TEC: variants seen among roughly 807,000 people sequenced by gnomAD.
TEC encodes the protein tyrosine-protein kinase Tec.
A neutral mutation model predicts 93.0 loss-of-function variants in TEC; 72 were observed. That is an observed-to-expected ratio of 0.77 (90% CI 0.64 to 0.94). The LOEUF is 0.94. Among genes scored for constraint, TEC ranks in the 40% least tolerant of loss-of-function variants. The pLI is 0.00. For missense variants in TEC, 630 were observed against 757.9 expected (o/e 0.83, Z 1.98); for synonymous variants, 249 against 247.7 (o/e 1.01, Z -0.05).
At chr4:48,153,805 C>T (rs1577704159) in intron 9 of TEC, among the ~76,000 whole-genome samples, 1 of 152,170 alleles carries the variant, frequency 6.6e-6, no homozygotes, top group East Asian at 1.9e-4. Flanking sequence ...ACCCACCCAG[C>T]CCTGCAGCAA....
intron 2 of TEC, among the ~76,000 whole-genome samples, chr4:48,182,535 C>CTGTGTGTG (rs60434609): frequency 0.14 from 21,335 of 147,160 alleles, 1,690 homozygotes; most frequent in Middle Eastern, 0.18. Flanking sequence ...GGGCAATACT[C>CTGTGTGTG]TGTGTGTGTG....
chr4:48,243,115 A>G (rs1211875138), intron 1 of TEC, among the ~76,000 whole-genome samples: 1 of 152,114 alleles, frequency 6.6e-6, no homozygotes, highest in East Asian at 1.9e-4. Context: ...CCAATTTTTA[A>G]TCTATTTCCT....
intron 11 of TEC, among the ~76,000 whole-genome samples, chr4:48,147,384 G>A (rs1719961297): frequency 6.6e-6 from 1 of 152,150 alleles, no homozygotes; most frequent in South Asian, 2.1e-4. Flanking sequence ...TCCATCAACT[G>A]ATGAATAATA....
chr4:48,208,650 C>T (rs1174673554), intron 2 of TEC, among the ~76,000 whole-genome samples: 3 of 152,234 alleles, frequency 2.0e-5, no homozygotes, highest in East Asian at 3.9e-4. Context: ...CTATTCCCTA[C>T]CTACAGAAAC....
At chr4:48,206,457 A>G (rs1050527842) in intron 2 of TEC, among the ~76,000 whole-genome samples, 25 of 152,206 alleles carry the variant, frequency 1.6e-4, no homozygotes, top group Admixed American at 6.5e-5. Flanking sequence ...TTTTAAAAAC[A>G]AATAAGAAAA....
intron 11 of TEC, 50 bp downstream of exon 11, chr4:48,149,507 C>T: frequency 6.7e-7 from 1 of 1,489,742 alleles, no homozygotes; most frequent in Non-Finnish European, 8.9e-7. Flanking sequence ...AGTATCTGAT[C>T]ATTTTAATCA....
chr4:48,227,063 C>T (rs1473688568), intron 2 of TEC, among the ~76,000 whole-genome samples: 2 of 152,166 alleles, frequency 1.3e-5, no homozygotes, highest in African/African-American at 4.8e-5. Context: ...CAGATACACA[C>T]ACATACACAC....
intron 2 of TEC, among the ~76,000 whole-genome samples, chr4:48,183,180 C>T (rs1188596761): frequency 6.6e-6 from 1 of 152,188 alleles, no homozygotes. Context: ...AGCCATACGA[C>T]CTAGGGCAAT....
chr4:48,229,318 A>G (rs1723578778), intron 1 of TEC, among the ~76,000 whole-genome samples: 1 of 152,250 alleles, frequency 6.6e-6, no homozygotes. Context: ...CACCTGGATA[A>G]GAAAGTCTCA....
At position 48,146,353 on chromosome 4, in the gene TEC, A is replaced by G. The variant is rs749927712; in HGVS notation, c.1053T>C (p.Asn351=). The G allele has an allele frequency of 1.9e-6, 3 of 1,613,892 alleles. No individual in the cohort carries two copies. The highest frequency in any genetic ancestry group is 4.5e-5 in the East Asian group (2 of 44,854). ...AGCTGAATCCTGCAGTGGTGGGTGC[A>G]TTCTTCCCTTTCACACTAACTGGGT... ...LRYPVSVKGK[N]APTTAGFSYE... The change falls in exon 12 of 18, where the codon AAT becomes AAC. Residue 351 remains asparagine (N), a synonymous_variant. Transcript: ENST00000381501.
At chr4:48,181,806 C>T (rs942462255) in intron 2 of TEC, among the ~76,000 whole-genome samples, 1 of 152,168 alleles carries the variant, frequency 6.6e-6, no homozygotes, top group Non-Finnish European at 1.5e-5. Flanking sequence ...TAACTCCTGA[C>T]ATGCCAGCTT....
chr4:48,240,470 G>A (rs1039980090), intron 1 of TEC, among the ~76,000 whole-genome samples: 5 of 152,042 alleles, frequency 3.3e-5, no homozygotes, highest in Admixed American at 6.6e-5. Flanking sequence ...CAATGGTCCC[G>A]GTGATTCCTG....
intron 2 of TEC, among the ~76,000 whole-genome samples, chr4:48,225,919 GGCA>G (rs1723444687): frequency 1.3e-5 from 2 of 152,022 alleles, no homozygotes; most frequent in Non-Finnish European, 2.9e-5. Flanking sequence ...CTCTAGCCCA[GGCA>G]GCAGCAGCCA....
At position 48,149,676 on chromosome 4, in the gene TEC, C is replaced by G; in HGVS notation, c.887G>C (p.Gly296Ala). The G allele has an allele frequency of 6.2e-7, 1 of 1,604,866 alleles. No individual in the cohort carries two copies. The highest frequency in any genetic ancestry group is 8.5e-7 in the Non-Finnish European group (1 of 1,177,336). ...TTCCTTTATATGATAATGCCTAAAA[C>G]CCGATGAACCTTCTCTAGAACAAAA... The part of the protein sequence containing the change: ...YTKFGGEGSS[G>A]FRHYHIKETT... Residue 296 changes from glycine to alanine, a missense_variant, in exon 11 of 18, where the codon GGT becomes GCT. Physicochemically the swap from Gly to Ala is moderately conservative, Grantham distance 60. Transcript: ENST00000381501.
At chr4:48,148,235 G>A (rs577262051) in intron 11 of TEC, among the ~76,000 whole-genome samples, 20 of 152,160 alleles carry the variant, frequency 1.3e-4, no homozygotes, top group Middle Eastern at 3.4e-3. Context: ...AAATGGGTGA[G>A]CTTTATAGTA....
intron 1 of TEC, among the ~76,000 whole-genome samples, chr4:48,262,761 A>C (rs1724530895): frequency 6.6e-6 from 1 of 152,198 alleles, no homozygotes; most frequent in African/African-American, 2.4e-5. Context: ...TTTGTTCACA[A>C]TGGTGCCTAG....
intron 7 of TEC, 82 bp downstream of exon 7, chr4:48,167,696 T>C (rs1050795402): frequency 2.3e-6 from 3 of 1,310,988 alleles, no homozygotes; most frequent in Non-Finnish European, 3.2e-6. Context: ...CATTACACGA[T>C]AGTTACGACT....
Position 48,161,570 on chromosome 4 carries a change from G to C in TEC, c.737+2132C>G, listed in dbSNP as rs1720658566. 2.0e-5 allele frequency among the ~76,000 whole-genome samples: 3 copies of C among 149,360 alleles called. No homozygotes were observed. The Admixed American group carries it at 2.0e-4, about 10-fold the overall frequency. On this transcript the variant is annotated intron_variant, in intron 8 of 17. Transcript: ENST00000381501. ...GATTCCTCCTGGGCCCAAGCAAAGA[G>C]AACTATTCACTCCACAGCTGCCAGA...
At chr4:48,269,270 T>A (rs1724719802) in intron 1 of TEC, among the ~76,000 whole-genome samples, 1 of 152,370 alleles carries the variant, frequency 6.6e-6, no homozygotes, top group African/African-American at 2.4e-5. Flanking sequence ...ATGTGCCATG[T>A]TGGTGTGCTG....
Sources: gnomAD v4.1 joint callset for allele counts (sites outside exome capture counted in the v4.1 genomes callset) on GRCh38, gnomAD v4.1.1 for gene constraint, MANE v1.5 for transcripts, NCBI Gene and HGNC (gene_info 2026-07-23, HGNC 2026-07-21) for gene names.